Variants in NELL1 observed in about 807,000 individuals in gnomAD.
The protein encoded by NELL1 is neural EGFL like 1, also known as protein kinase C-binding protein NELL1.
Under a neutral mutation model 107.4 loss-of-function variants are expected in NELL1, and 76 were observed. The ratio of observed to expected loss-of-function variants is 0.71; its 90% CI spans 0.59 to 0.86. The LOEUF is 0.86. NELL1 is among the 40% of genes least tolerant of loss of function. The pLI, the probability that NELL1 is intolerant of heterozygous loss-of-function variation, is 0.00. For synonymous variants in NELL1, 353 were observed against 341.2 expected, an observed-to-expected ratio of 1.03 and a Z score of -0.38; for missense variants, 1,024 against 1,005.5, an observed-to-expected ratio of 1.02 and a Z score of -0.25.
intron 5 of NELL1, among the ~76,000 whole-genome samples, chr11:20,893,369 G>GT (rs34392122): frequency 0.69 from 99,118 of 144,446 alleles, 35,125 homozygotes; most frequent in Non-Finnish European, 0.8. Context: ...TGTATCCCGT[G>GT]TTTTTTTTTT....
chr11:21,457,352 A>G (rs1853772634), intron 15 of NELL1, among the ~76,000 whole-genome samples: 1 of 152,154 alleles, frequency 6.6e-6, no homozygotes, highest in Non-Finnish European at 1.5e-5. Flanking sequence ...GAAAGAATTC[A>G]GAGTGTTGTG....
intron 2 of NELL1, chr11:20,770,941 C>A (rs532388729): frequency 6.6e-6 from 1 of 151,298 alleles, no homozygotes; most frequent in Non-Finnish European, 1.5e-5. Flanking sequence ...CACATTGTAG[C>A]CAGATCTGCA....
intron 12 of NELL1, among the ~76,000 whole-genome samples, chr11:20,967,272 T>C (rs1851405489): frequency 6.6e-6 from 1 of 152,176 alleles, no homozygotes; most frequent in East Asian, 1.9e-4. Flanking sequence ...GTTAAGAGAT[T>C]GTATAGGAGA....
intron 3 of NELL1, among the ~76,000 whole-genome samples, chr11:20,840,680 G>A (rs576199201): frequency 6.6e-6 from 1 of 152,340 alleles, no homozygotes; most frequent in Admixed American, 6.5e-5. Context: ...AAACAAGACA[G>A]AAACTGCATT....
chr11:20,989,911 G>A (rs1480030398), intron 12 of NELL1, among the ~76,000 whole-genome samples: 1 of 151,742 alleles, frequency 6.6e-6, no homozygotes, highest in Non-Finnish European at 1.5e-5. Flanking sequence ...GCAGAAGAAT[G>A]GCATGAACCC....
At chr11:20,883,975 G>T (rs977983905) in intron 4 of NELL1, among the ~76,000 whole-genome samples, 1 of 152,160 alleles carries the variant, frequency 6.6e-6, no homozygotes, top group Non-Finnish European at 1.5e-5. Flanking sequence ...TTAGATTCCT[G>T]TAAAGAAAAC....
chr11:21,028,012 G>A (rs1852860091), intron 12 of NELL1, among the ~76,000 whole-genome samples: 1 of 152,122 alleles, frequency 6.6e-6, no homozygotes, highest in African/African-American at 2.4e-5. Context: ...ATTCAAGTCT[G>A]CAGCAAGAAT....
At chr11:21,300,663 G>A (rs1849473061) in intron 14 of NELL1, among the ~76,000 whole-genome samples, 1 of 151,952 alleles carries the variant, frequency 6.6e-6, no homozygotes, top group South Asian at 2.1e-4. Flanking sequence ...AAGCTTGGGG[G>A]AAGGTGAGAA....
intron 12 of NELL1, among the ~76,000 whole-genome samples, chr11:21,017,998 C>G (rs1852608628): frequency 6.6e-6 from 1 of 152,056 alleles, no homozygotes; most frequent in African/African-American, 2.4e-5. Context: ...TTTGCTGTTG[C>G]TATTCCATCT....
chr11:21,319,677 CG>C (rs1392660114), intron 14 of NELL1, among the ~76,000 whole-genome samples: 1 of 150,422 alleles, frequency 6.6e-6, no homozygotes, highest in Non-Finnish European at 1.5e-5. Context: ...GGGCTAGGTG[CG>C]GTGGCTCATG....
chr11:20,799,646 G>A (rs1364557794), intron 3 of NELL1, among the ~76,000 whole-genome samples: 1 of 95,698 alleles, frequency 1.0e-5, no homozygotes, highest in Non-Finnish European at 2.1e-5. Context: ...GAGACAGCCA[G>A]AAGTATGTAT....
At chr11:21,544,221 G>A (rs1856371638) in intron 16 of NELL1, among the ~76,000 whole-genome samples, 1 of 151,962 alleles carries the variant, frequency 6.6e-6, no homozygotes, top group Non-Finnish European at 1.5e-5. Context: ...CAAGTATTGG[G>A]ATGTTATTAT....
At chr11:21,275,442 T>C (rs1470643571) in intron 14 of NELL1, among the ~76,000 whole-genome samples, 1 of 152,106 alleles carries the variant, frequency 6.6e-6, no homozygotes, top group Non-Finnish European at 1.5e-5. Context: ...CAGGACCAGA[T>C]GGATTCACAG....
At chr11:21,368,317 C>T (rs1851277395) in intron 14 of NELL1, among the ~76,000 whole-genome samples, 1 of 150,378 alleles carries the variant, frequency 6.6e-6, no homozygotes. Flanking sequence ...AGCTCTTCAT[C>T]CCTATCCTTT....
chr11:20,828,773 T>C (rs1391359682), intron 3 of NELL1, among the ~76,000 whole-genome samples: 2 of 152,252 alleles, frequency 1.3e-5, no homozygotes, highest in Non-Finnish European at 2.9e-5. Context: ...CTATCTGTTC[T>C]TAAGTTTTCA....
At chr11:20,731,934 C>G (rs1855655371) in intron 2 of NELL1, among the ~76,000 whole-genome samples, 1 of 152,164 alleles carries the variant, frequency 6.6e-6, no homozygotes, top group African/African-American at 2.4e-5. Context: ...AGAAGACTCT[C>G]TGAGTAAAAG....
chr11:21,021,283 G>T (rs1039721340), intron 12 of NELL1, among the ~76,000 whole-genome samples: 8 of 151,502 alleles, frequency 5.3e-5, no homozygotes, highest in Non-Finnish European at 1.0e-4. Flanking sequence ...GGGGCTGGGG[G>T]TGGGGGTGGG....
intron 12 of NELL1, among the ~76,000 whole-genome samples, chr11:21,113,257 A>T (rs1855148404): frequency 6.6e-6 from 1 of 152,024 alleles, no homozygotes; most frequent in Admixed American, 6.6e-5. Context: ...ATATTCATTG[A>T]TATCGACTTA....
rs574865930 is a variant in NELL1, at chr11:21,496,005, C to A, written c.1646-38369C>A. On this transcript the variant is annotated intron_variant, in intron 15 of 19. Coordinates refer to ENST00000357134, the MANE Select transcript of NELL1 (RefSeq NM_006157.5). ...ATAATTTAGAACTTGTTATTGCTTT[C>A]TATTTTGAAAATGTGTAAGTTATAT... Among the ~76,000 whole-genome samples the A allele has an allele frequency of 2.1e-4, 32 of 152,152 alleles. 1 individual carries two copies. The South Asian group carries it at 3.5e-3, about 17-fold the overall frequency.
Sources: gnomAD v4.1 joint callset for allele counts (sites outside exome capture counted in the v4.1 genomes callset) on GRCh38, gnomAD v4.1.1 for gene constraint, MANE v1.5 for transcripts, NCBI Gene and HGNC (gene_info 2026-07-23, HGNC 2026-07-21) for gene names.